STX18: variants seen among roughly 807,000 people sequenced by gnomAD.
The protein encoded by STX18 is syntaxin 18, also known as syntaxin-18.
Under a neutral mutation model 50.1 loss-of-function variants are expected in STX18, and 40 were observed. That is an observed-to-expected ratio of 0.80 (90% CI 0.62 to 1.04). The LOEUF (loss-of-function observed/expected upper bound fraction) is 1.04. Among genes scored for constraint, STX18 ranks in the 50% least tolerant of loss-of-function variants. The pLI, the probability that STX18 is intolerant of heterozygous loss-of-function variation, is 0.00. For missense variants in STX18, 410 were observed against 415.8 expected (o/e 0.99, Z 0.12); for synonymous variants, 158 against 151.8 (o/e 1.04, Z -0.30).
At chr4:4,541,341 A>G (rs976623302) in intron 1 of STX18, among the ~76,000 whole-genome samples, 2 of 152,204 alleles carry the variant, frequency 1.3e-5, no homozygotes, top group African/African-American at 4.8e-5. Flanking sequence ...AAAGGGAAGA[A>G]AGAGTTCGGC....
At chr4:4,538,632 A>G (rs183408689) in intron 1 of STX18, among the ~76,000 whole-genome samples, 143 of 152,282 alleles carry the variant, frequency 9.4e-4, no homozygotes, top group Middle Eastern at 3.4e-3. Context: ...CATATAGACT[A>G]TGTGAGTAGG....
At position 4,451,708 on chromosome 4, in the gene STX18, T is replaced by C. The variant is rs79304491; in HGVS notation, c.497+5483A>G. The stretch of plus-strand genomic sequence containing the variant: ...CATAAGACAGCGTACTTCATAAGTG[T>C]TGTGTGTGCTCTGACTGCTCCCCGG... On this transcript the variant is annotated intron_variant, in intron 5 of 10. Transcript: ENST00000306200. 7.0e-3 allele frequency among the ~76,000 whole-genome samples: 1,062 copies of C among 152,270 alleles called. 8 individuals carry two copies. Among genetic ancestry groups the C allele is most frequent in the African/African-American group, 0.023 (943 of 41,552 alleles).
intron 1 of STX18, chr4:4,507,915 C>T (rs1272135757): frequency 3.4e-5 from 17 of 500,328 alleles, no homozygotes; most frequent in South Asian, 5.7e-5. Context: ...GGAAGCATTC[C>T]GTATTTACTG....
At position 4,461,136 on chromosome 4, in the gene STX18, T is replaced by C. The variant is rs768235909; in HGVS notation, c.237-1649A>G. Among the ~76,000 whole-genome samples, 10 of 152,204 alleles carry C rather than the reference T, an allele frequency of 6.6e-5. No individual in the cohort carries two copies. The South Asian group carries it at 8.3e-4, about 13-fold the overall frequency. Reference sequence around the variant, plus strand: ...TTAATGGAAACTCAGCTCAGTGAAATTGAAAAGGTCTAAAGGTTAATTTGA... The same window carrying C: ...TTAATGGAAACTCAGCTCAGTGAAACTGAAAAGGTCTAAAGGTTAATTTGA... On this transcript the variant is annotated intron_variant, in intron 2 of 10. Coordinates refer to ENST00000306200, the MANE Select transcript of STX18 (RefSeq NM_016930.4).
intron 1 of STX18, among the ~76,000 whole-genome samples, chr4:4,474,972 C>T (rs555135137): frequency 3.9e-4 from 60 of 152,156 alleles, no homozygotes; most frequent in Non-Finnish European, 6.6e-4. Context: ...CCTTACTATC[C>T]ACAACAGGTG....
In STX18 at chr4:4,472,398, A is replaced by C. The variant is rs116585403; in HGVS notation, c.169-692T>G. Among the ~76,000 whole-genome samples the C allele has an allele frequency of 3.2e-3, 483 of 152,372 alleles. 4 individuals are homozygous for C. Among genetic ancestry groups the C allele is most frequent in the African/African-American group, 0.011 (462 of 41,586 alleles). On this transcript the variant is annotated intron_variant, in intron 1 of 10. Coordinates refer to ENST00000306200, the MANE Select transcript of STX18 (RefSeq NM_016930.4). ...CGCTCAGACCACAGTCAATAGGGAC[A>C]AACGTGTTTCCAGAGGGAGAATGAT...
chr4:4,499,464 A>G, intron 1 of STX18: 1 of 984,172 alleles, frequency 1.0e-6, no homozygotes, highest in Non-Finnish European at 1.2e-6. Context: ...TACCTTTTAG[A>G]AAAACAGCAT....
At chr4:4,503,271 TA>T (rs1429190276) in intron 1 of STX18, among the ~76,000 whole-genome samples, 2 of 152,202 alleles carry the variant, frequency 1.3e-5, no homozygotes, top group Admixed American at 6.5e-5. Context: ...ATGAAATTGA[TA>T]TTAAACCTTG....
chr4:4,491,084 A>G (rs1350005331), intron 1 of STX18, among the ~76,000 whole-genome samples: 1 of 151,814 alleles, frequency 6.6e-6, no homozygotes, highest in African/African-American at 2.4e-5. Context: ...TAGCACTTTC[A>G]ATATACGCAT....
chr4:4,504,302 A>G (rs192568180), intron 1 of STX18, among the ~76,000 whole-genome samples: 4 of 152,302 alleles, frequency 2.6e-5, no homozygotes, highest in Non-Finnish European at 2.9e-5. Flanking sequence ...AAAATGATCT[A>G]TTCAGATTTA....
At chr4:4,421,444 G>A (rs556929969) in intron 9 of STX18, among the ~76,000 whole-genome samples, 3 of 152,178 alleles carry the variant, frequency 2.0e-5, no homozygotes, top group East Asian at 1.9e-4. Flanking sequence ...GTAGAGATGG[G>A]GGGTCTCCCT....
At chr4:4,433,677 G>A (rs763194699) in intron 7 of STX18, among the ~76,000 whole-genome samples, 2 of 152,216 alleles carry the variant, frequency 1.3e-5, no homozygotes, top group Non-Finnish European at 2.9e-5. Context: ...GGGAGCTGCT[G>A]TAGGTGGGGT....
At chr4:4,531,841 T>C in intron 1 of STX18, among the ~76,000 whole-genome samples, 1 of 152,226 alleles carries the variant, frequency 6.6e-6, no homozygotes, top group East Asian at 1.9e-4. Flanking sequence ...ATTTTTTACA[T>C]TTGAGAAAAG....
At chr4:4,440,103 C>A (rs140784117) in intron 5 of STX18, among the ~76,000 whole-genome samples, 2 of 152,146 alleles carry the variant, frequency 1.3e-5, no homozygotes, top group South Asian at 4.1e-4. Flanking sequence ...TATGCAATAA[C>A]AGGCTTTGTA....
intron 3 of STX18, among the ~76,000 whole-genome samples, chr4:4,458,051 A>G (rs1577340742): frequency 1.3e-5 from 2 of 152,350 alleles, no homozygotes; most frequent in South Asian, 4.1e-4. Flanking sequence ...TACCAGACCT[A>G]AAGTCTGTGC....
intron 1 of STX18, among the ~76,000 whole-genome samples, chr4:4,522,362 C>T (rs1730547050): frequency 1.3e-5 from 2 of 152,176 alleles, no homozygotes; most frequent in African/African-American, 4.8e-5. Flanking sequence ...ATAGACTATA[C>T]AGCCCTCTCC....
Position 4,485,827 on chromosome 4 carries a change from T to G in STX18, c.169-14121A>C, listed in dbSNP as rs142109884. Among the ~76,000 whole-genome samples, 113 of 152,306 alleles carry G rather than the reference T, an allele frequency of 7.4e-4. No individual in the cohort carries two copies. The Middle Eastern group carries it at 0.014, about 18-fold the overall frequency. ...TCCCCTATGCGCTCTCCTCCGTATC[T>G]TTTCTCCTGCTCCCAAAGCTCTCCT... On this transcript the variant is annotated intron_variant, in intron 1 of 10. Transcript: ENST00000306200.
chr4:4,504,205 T>A (rs2108882515), intron 1 of STX18, among the ~76,000 whole-genome samples: 1 of 152,358 alleles, frequency 6.6e-6, no homozygotes, highest in South Asian at 2.1e-4. Flanking sequence ...GGAATCAAGC[T>A]GGATCATGCC....
chr4:4,425,257 T>A, intron 7 of STX18, 35 bp from the exon 8 acceptor site: 1 of 1,590,044 alleles, frequency 6.3e-7, no homozygotes. Context: ...GATGACATCA[T>A]ACTGAACTTA....
Sources: allele counts gnomAD v4.1 joint callset (sites outside exome capture counted in the v4.1 genomes callset), GRCh38; gene constraint gnomAD v4.1.1; transcripts MANE v1.5; gene names NCBI Gene and HGNC (gene_info 2026-07-23, HGNC 2026-07-21).